Variants in DNAH11 observed in about 807,000 individuals in gnomAD.
DNAH11 encodes dynein axonemal heavy chain 11, also known as axonemal beta dynein heavy chain 11.
DNAH11 carries 442 observed loss-of-function variants against 526.0 expected under a neutral mutation model. The observed-to-expected ratio is 0.84, with a 90% confidence interval of 0.78 to 0.91. The LOEUF (loss-of-function observed/expected upper bound fraction) is 0.91, where lower values mean the gene tolerates loss of function less well. DNAH11 is among the 40% of genes least tolerant of loss of function. The pLI, the probability that DNAH11 is intolerant of heterozygous loss-of-function variation, is 0.00. For missense variants in DNAH11, 6,989 were observed against 5,448.7 expected (o/e 1.28, Z -8.90); for synonymous variants, 2,461 against 1,935.9 (o/e 1.27, Z -7.12).
intron 76 of DNAH11, among the ~76,000 whole-genome samples, chr7:21,885,975 C>G (rs944072876): frequency 8.5e-5 from 13 of 152,094 alleles, no homozygotes; most frequent in African/African-American, 2.9e-4. Flanking sequence ...AGCGTGGTGG[C>G]TGTAGTTTTC....
intron 55 of DNAH11, among the ~76,000 whole-genome samples, chr7:21,773,380 T>A (rs1787522042): frequency 6.6e-6 from 1 of 152,046 alleles, no homozygotes; most frequent in African/African-American, 2.4e-5. Flanking sequence ...GGTTATTGCT[T>A]CTCTTTGTCT....
intron 30 of DNAH11, among the ~76,000 whole-genome samples, chr7:21,673,497 C>G (rs970622823): frequency 3.9e-5 from 6 of 152,150 alleles, no homozygotes; most frequent in African/African-American, 1.4e-4. Context: ...ATGTCCCTCC[C>G]CCCACAGCAT....
At chr7:21,560,443 G>A (rs927288802) in intron 4 of DNAH11, among the ~76,000 whole-genome samples, 1 of 152,114 alleles carries the variant, frequency 6.6e-6, no homozygotes, top group African/African-American at 2.4e-5. Flanking sequence ...ATCAGTCTGA[G>A]TCCCAAAACC....
intron 23 of DNAH11, 40 bp downstream of exon 23, chr7:21,617,817 T>C (rs925665654): frequency 1.3e-6 from 2 of 1,510,236 alleles, no homozygotes; most frequent in African/African-American, 2.8e-5. Flanking sequence ...TTTTTATGAC[T>C]GTGAAGTGTT....
Position 21,868,906 on chromosome 7 carries a change from A to T in DNAH11, c.11882A>T (p.Asn3961Ile), listed in dbSNP as rs186794216. 3 of 1,613,898 alleles carry T rather than the reference A, an allele frequency of 1.9e-6. No homozygotes were observed. The highest frequency in any genetic ancestry group is 2.2e-5 in the East Asian group (1 of 44,888). ...ACAATTGACTCTGGAAAATTCCACA[A>T]TGTGTCTTTAGGACAAGGTCAGGAG... The part of the protein sequence containing the change: ...GFTIDSGKFH[N>I]VSLGQGQETV... Residue 3961 changes from asparagine (N) to isoleucine (I), a missense_variant, in exon 73 of 82, where the codon AAT becomes ATT. Asn to Ile is a moderately radical substitution (Grantham distance 149). Coordinates refer to ENST00000409508, the MANE Select transcript of DNAH11 (RefSeq NM_001277115.2).
In DNAH11 at chr7:21,673,446, G is replaced by A. The variant is rs140885506; in HGVS notation, c.5329-8100G>A. Among the ~76,000 whole-genome samples the A allele has an allele frequency of 8.3e-4, 127 of 152,160 alleles. 3 individuals are homozygous for A. Among genetic ancestry groups the A allele is most frequent in the Admixed American group, 1.9e-3 (29 of 15,286 alleles). ...TCAGTCAGTGCTTTTATTATCTGCC[G>A]ACATCATCAAAGAGGAACTAGAGCA... On this transcript the variant is annotated intron_variant, in intron 30 of 81. Coordinates refer to ENST00000409508, the MANE Select transcript of DNAH11 (RefSeq NM_001277115.2).
chr7:21,861,232 A>C (rs1040554357), intron 68 of DNAH11, among the ~76,000 whole-genome samples: 9 of 152,192 alleles, frequency 5.9e-5, no homozygotes, highest in Non-Finnish European at 1.0e-4. Context: ...TCCTAGTGAC[A>C]CTGGATTTAG....
intron 2 of DNAH11, 120 bp from the exon 3 acceptor site, chr7:21,558,681 AT>A: frequency 1.5e-6 from 1 of 665,750 alleles, no homozygotes; most frequent in African/African-American, 2.4e-5. Flanking sequence ...CTCTTTGTAG[AT>A]TTGATATCAT....
chr7:21,839,975 A>G (rs1782143738), intron 65 of DNAH11, among the ~76,000 whole-genome samples: 2 of 152,376 alleles, frequency 1.3e-5, no homozygotes, highest in South Asian at 4.1e-4. Context: ...TAATTTTTAA[A>G]TAGTCTTTAC....
intron 30 of DNAH11, among the ~76,000 whole-genome samples, chr7:21,680,895 T>C (rs1783110002): frequency 6.6e-6 from 1 of 152,242 alleles, no homozygotes; most frequent in Non-Finnish European, 1.5e-5. Context: ...TACTATGCTT[T>C]TTTGAAAGTT....
intron 51 of DNAH11, among the ~76,000 whole-genome samples, chr7:21,746,993 G>T (rs1249015101): frequency 6.6e-6 from 1 of 152,164 alleles, no homozygotes; most frequent in Non-Finnish European, 1.5e-5. Flanking sequence ...GGCCTAAAAG[G>T]TAAGGCTGTT....
chr7:21,726,047 C>A lies in DNAH11; in HGVS notation c.7440+63C>A, dbSNP rs2074762. Reference sequence around the variant, plus strand: ...TTCATATTGCTATAAAAAATACCTGCAACTGGGTAATTTATAAAGAAAAGA... The same window carrying A: ...TTCATATTGCTATAAAAAATACCTGAAACTGGGTAATTTATAAAGAAAAGA... On this transcript the variant is annotated intron_variant, in intron 45 of 81. Transcript: ENST00000409508. 326,795 of 1,398,030 alleles carry A rather than the reference C, an allele frequency of 0.23. 40,004 individuals carry two copies. Among genetic ancestry groups the A allele is most frequent in the Non-Finnish European group, 0.25 (266,815 of 1,054,808 alleles). 86.6% of individuals were successfully genotyped at this position (1,398,030 alleles called of 1,614,324 possible). A position where few individuals can be genotyped will look rare whatever the true frequency, so the allele number is the denominator to read the frequency against.
chr7:21,553,066 T>C (rs983697039), intron 2 of DNAH11, among the ~76,000 whole-genome samples: 2 of 137,930 alleles, frequency 1.5e-5, no homozygotes, highest in East Asian at 2.2e-4. Context: ...TCAGTATAAA[T>C]GGGATTTTTT....
chr7:21,573,279 A>G (rs1310609765), intron 8 of DNAH11, among the ~76,000 whole-genome samples: 2 of 148,146 alleles, frequency 1.4e-5, no homozygotes, highest in Non-Finnish European at 2.9e-5. Flanking sequence ...TGGTATTTGT[A>G]TTTTGGAAGC....
chr7:21,703,967 A>T (rs547617282), intron 37 of DNAH11, among the ~76,000 whole-genome samples: 2 of 152,276 alleles, frequency 1.3e-5, no homozygotes, highest in African/African-American at 2.4e-5. Context: ...TGTAGAAGTT[A>T]TCCTGACGTT....
chr7:21,606,352 A>G, intron 18 of DNAH11, 74 bp from the exon 19 acceptor site: 1 of 1,146,640 alleles, frequency 8.7e-7, no homozygotes, highest in Non-Finnish European at 1.2e-6. Flanking sequence ...AAGAAATTAG[A>G]GTCATTTAAT....
intron 57 of DNAH11, among the ~76,000 whole-genome samples, chr7:21,782,101 G>T (rs1034370718): frequency 6.4e-4 from 97 of 152,176 alleles, no homozygotes; most frequent in African/African-American, 2.2e-3. Context: ...GGTGGACACA[G>T]TTTAGCTCAT....
At chr7:21,749,472 TCAACCTTACGAGTCAG>T (rs1786305749) in intron 52 of DNAH11, among the ~76,000 whole-genome samples, 190 bp from the exon 53 acceptor site, 2 of 152,052 alleles carry the variant, frequency 1.3e-5, no homozygotes, top group South Asian at 4.2e-4. Flanking sequence ...AACACGACAC[TCAACCTTACGAGTCAG>T]CAATGGAGGT....
intron 65 of DNAH11, among the ~76,000 whole-genome samples, chr7:21,833,977 T>C (rs1448486247): frequency 6.6e-6 from 1 of 151,990 alleles, no homozygotes; most frequent in Non-Finnish European, 1.5e-5. Flanking sequence ...AACATCAGAG[T>C]TAAACCACAC....
Sources: allele counts gnomAD v4.1 joint callset (sites outside exome capture counted in the v4.1 genomes callset), GRCh38; gene constraint gnomAD v4.1.1; transcripts MANE v1.5; gene names NCBI Gene and HGNC (gene_info 2026-07-23, HGNC 2026-07-21).